DOCK7: variants seen among roughly 807,000 people sequenced by gnomAD.
DOCK7 encodes dedicator of cytokinesis protein 7.
Under a neutral mutation model 271.0 loss-of-function variants are expected in DOCK7, and 138 were observed. The ratio of observed to expected loss-of-function variants is 0.51; its 90% confidence interval spans 0.44 to 0.59. The LOEUF (loss-of-function observed/expected upper bound fraction) is 0.59, where lower values mean the gene tolerates loss of function less well. DOCK7 is among the 20% of genes least tolerant of loss of function. The probability of loss-of-function intolerance (pLI) is 0.00; values close to 1 mark genes in which losing one functional copy is unlikely to be tolerated. For missense variants in DOCK7, 2,066 were observed against 2,592.4 expected, an observed-to-expected ratio of 0.80 and a Z score of 4.41; for synonymous variants, 823 against 876.1, an observed-to-expected ratio of 0.94 and a Z score of 1.07.
chr1:62,509,616 A>C (rs1452444501), intron 34 of DOCK7, among the ~76,000 whole-genome samples: 1 of 152,136 alleles, frequency 6.6e-6, no homozygotes, highest in Non-Finnish European at 1.5e-5. Context: ...GGACAGACGG[A>C]GAAAAAGAAA....
chr1:62,457,923 G>A, intron 48 of DOCK7: 1 of 460,332 alleles, frequency 2.2e-6, no homozygotes. Flanking sequence ...GTCAAGGCAG[G>A]TGGACCACTT....
At chr1:62,532,093 G>A (rs1645192346) in intron 29 of DOCK7, among the ~76,000 whole-genome samples, 1 of 152,178 alleles carries the variant, frequency 6.6e-6, no homozygotes, top group South Asian at 2.1e-4. Flanking sequence ...TCTAGGCTGT[G>A]GCGTGATGTT....
At chr1:62,489,905 A>C (rs1396401029) in intron 41 of DOCK7, among the ~76,000 whole-genome samples, 1 of 152,148 alleles carries the variant, frequency 6.6e-6, no homozygotes, top group Non-Finnish European at 1.5e-5. Flanking sequence ...TAAATCTCCT[A>C]TGGAAAAATC....
In DOCK7 at chr1:62,579,817, C is replaced by T. The variant is rs143081113; in HGVS notation, c.1872-851G>A. On this transcript the variant is annotated intron_variant, in intron 16 of 49. Coordinates refer to ENST00000635253, the MANE Select transcript of DOCK7 (RefSeq NM_001367561.1). ...CCTAAATATGGACTAGAATTGACCA[C>T]TAAAACAAACAAAAAAAACCAGTAA... 6.0e-3 allele frequency among the ~76,000 whole-genome samples: 900 copies of T among 151,130 alleles called. 7 individuals are homozygous for T. Among genetic ancestry groups the T allele is most frequent in the African/African-American group, 0.021 (847 of 41,146 alleles).
intron 27 of DOCK7, among the ~76,000 whole-genome samples, chr1:62,538,342 G>A (rs1645416911): frequency 6.6e-6 from 1 of 152,130 alleles, no homozygotes; most frequent in Non-Finnish European, 1.5e-5. Flanking sequence ...CAGGGAAAAC[G>A]TATATCACCA....
rs1325374474 is a variant in DOCK7 at position 62,634,965 on chromosome 1, TAC to T, written c.886-45_886-44del. 3 of 1,401,180 alleles carry T rather than the reference TAC, an allele frequency of 2.1e-6. No individual in the cohort carries two copies. In the East Asian group the frequency reaches 7.0e-5, roughly 33 times the overall value. 86.8% of individuals were successfully genotyped at this position (1,401,180 alleles called of 1,614,324 possible). ...GTTAAACTTTAAAATATGTACATTT[TAC>T]AGTGTCTATTTCTTAAAAGAAAGCT... On this transcript the variant is annotated intron_variant, in intron 8 of 49. Transcript: ENST00000635253.
chr1:62,471,611 G>A (rs541823200), intron 48 of DOCK7, among the ~76,000 whole-genome samples: 1 of 152,236 alleles, frequency 6.6e-6, no homozygotes, highest in East Asian at 1.9e-4. Context: ...TTGTGATTGT[G>A]TCACTGCACT....
chr1:62,535,715 A>C (rs1557681534), intron 28 of DOCK7, 83 bp from the exon 29 acceptor site: 1 of 1,361,460 alleles, frequency 7.3e-7, no homozygotes, highest in Non-Finnish European at 9.8e-7. Context: ...GAAATGAAAT[A>C]CTTTTTCCCA....
chr1:62,540,754 C>T (rs1298455504), intron 25 of DOCK7, among the ~76,000 whole-genome samples: 1 of 152,118 alleles, frequency 6.6e-6, no homozygotes, highest in Non-Finnish European at 1.5e-5. Context: ...AAGTCCTAAA[C>T]TTAATATAGA....
chr1:62,494,035 G>A (rs1281214981), intron 40 of DOCK7, among the ~76,000 whole-genome samples: 1 of 152,162 alleles, frequency 6.6e-6, no homozygotes, highest in Non-Finnish European at 1.5e-5. Context: ...AAGACAAAGA[G>A]AATAAATAAG....
intron 11 of DOCK7, 123 bp from the exon 12 acceptor site, chr1:62,625,524 G>T: frequency 1.0e-6 from 1 of 963,692 alleles, no homozygotes; most frequent in Non-Finnish European, 1.5e-6. Flanking sequence ...ATCAAGTATA[G>T]TAGGAGAATT....
At chr1:62,635,046 A>G (rs1655086766) in intron 8 of DOCK7, 124 bp from the exon 9 acceptor site, 1 of 497,366 alleles carries the variant, frequency 2.0e-6, no homozygotes, top group Non-Finnish European at 3.5e-6. Flanking sequence ...TCTGTTTTCA[A>G]TTACAGTAAT....
intron 31 of DOCK7, among the ~76,000 whole-genome samples, chr1:62,524,838 C>T (rs1345740546): frequency 1.3e-5 from 2 of 149,676 alleles, no homozygotes; most frequent in East Asian, 3.9e-4. Flanking sequence ...GCAGAGGTTG[C>T]AGTGAGCCAA....
intron 11 of DOCK7, 85 bp from the exon 12 acceptor site, chr1:62,625,486 A>C: frequency 7.3e-7 from 1 of 1,375,210 alleles, no homozygotes; most frequent in Non-Finnish European, 9.9e-7. Context: ...GGAAGAATCT[A>C]CTAAATTGAA....
intron 15 of DOCK7, chr1:62,584,955 T>C: frequency 1.6e-6 from 1 of 628,784 alleles, no homozygotes; most frequent in Non-Finnish European, 2.9e-6. Context: ...TTATTCTACA[T>C]ATATTACATT....
chr1:62,458,157 GT>G (rs1340052360), intron 48 of DOCK7: 76 of 6,470 alleles, frequency 0.012, no homozygotes, highest in East Asian at 0.028. Context: ...TCAAACGTGG[GT>G]GTGTGTGTGT....
chr1:62,512,098 A>T lies in DOCK7; in HGVS notation c.4282+1346T>A, dbSNP rs538002059. Among the ~76,000 whole-genome samples, 13 of 152,338 alleles carry T rather than the reference A, an allele frequency of 8.5e-5. No individual in the cohort carries two copies. The East Asian group carries it at 2.3e-3, about 27-fold the overall frequency. On this transcript the variant is annotated intron_variant, in intron 33 of 49. Coordinates refer to ENST00000635253, the MANE Select transcript of DOCK7 (RefSeq NM_001367561.1). The stretch of plus-strand genomic sequence containing the variant: ...AAAATGGTGCTCTATTAATTTTTTT[A>T]AAGGCAAAGACTGTGCCTTTTCATT...
At chr1:62,521,537 A>T (rs1449718070) in intron 31 of DOCK7, among the ~76,000 whole-genome samples, 2 of 152,228 alleles carry the variant, frequency 1.3e-5, no homozygotes, top group Non-Finnish European at 2.9e-5. Context: ...AGACAAGAAA[A>T]GGTACAAAAA....
chr1:62,476,140 C>T lies in DOCK7; in HGVS notation c.5651G>A (p.Arg1884Lys). The T allele has an allele frequency of 1.2e-6, 2 of 1,612,810 alleles. No individual in the cohort carries two copies. Among genetic ancestry groups the T allele is most frequent in the Non-Finnish European group, 1.7e-6 (2 of 1,179,506 alleles). Residue 1884 changes from arginine (R) to lysine (K), a missense_variant, in exon 45 of 50, where the codon AGA becomes AAA. Physicochemically the swap from Arg to Lys is conservative, Grantham distance 26 (BLOSUM62 2). This residue lies in a region of DOCK7 where 652 missense variants were observed against 922.1 expected (regional missense o/e 0.71). Coordinates refer to ENST00000635253, the MANE Select transcript of DOCK7 (RefSeq NM_001367561.1). ...TACTTCAACCACATCCTCTCCAAAT[C>T]TTTCTCCGTAAAATCCCTACAATAA... Reference protein sequence around the residue: ...SHRLEGFYGERFGEDVVEVIK... With the variant: ...SHRLEGFYGEKFGEDVVEVIK...
Sources: gnomAD v4.1 joint callset for allele counts (sites outside exome capture counted in the v4.1 genomes callset) on GRCh38, gnomAD v4.1.1 for gene constraint, gnomAD v4.1.1 regional missense constraint, MANE v1.5 for transcripts, NCBI Gene and HGNC (gene_info 2026-07-23, HGNC 2026-07-21) for gene names.